IFT172: variants seen among roughly 807,000 people sequenced by gnomAD.
IFT172 encodes intraflagellar transport 172, also known as intraflagellar transport protein 172 homolog.
IFT172 carries 164 observed loss-of-function variants against 248.9 expected under a neutral mutation model. The ratio of observed to expected loss-of-function variants is 0.66; its 90% CI spans 0.58 to 0.75. The LOEUF is 0.75. IFT172 is among the 30% of genes least tolerant of loss of function. The pLI is 0.00. For synonymous variants in IFT172, 729 were observed against 791.6 expected, an observed-to-expected ratio of 0.92 and a Z score of 1.33; for missense variants, 1,950 against 2,192.4, an observed-to-expected ratio of 0.89 and a Z score of 2.21.
chr2:27,461,777 G>A lies in IFT172; in HGVS notation c.2175C>T (p.Ile725=), dbSNP rs535676099. The A allele has an allele frequency of 1.5e-5, 25 of 1,614,158 alleles. No individual in the cohort carries two copies. The highest frequency in any genetic ancestry group is 6.7e-5 in the Admixed American group (4 of 60,018). The change falls in exon 21 of 48, where the codon ATC becomes ATT. Residue 725 remains isoleucine, a synonymous_variant. Coordinates refer to ENST00000260570, the MANE Select transcript of IFT172 (RefSeq NM_015662.3). ...YQELHRWDEC[I]AVAEAKGHPA... is the part of the protein sequence containing the mutation. ...CAGGTACCTTGGCTTCAGCCACAGC[G>A]ATACACTCATCCCAACGGTGTAGCT...
chr2:27,463,162 G>A lies in IFT172; in HGVS notation c.1957C>T (p.Gln653Ter), dbSNP rs1357665651. The A allele has an allele frequency of 1.2e-6, 2 of 1,613,942 alleles. No individual in the cohort carries two copies. Among genetic ancestry groups the A allele is most frequent in the Admixed American group, 1.7e-5 (1 of 59,992 alleles). Reference protein sequence around the residue: ...IAERCFSALGQVAKARFLHET... With the variant: ...IAERCFSALG ...TGCAGGAATCGAGCTTTTGCTACTT[G>A]GCCCAAAGCAGAAAAGCACCTATGG... is the stretch of plus-strand genomic sequence containing the variant. The change falls in exon 19 of 48, where the codon CAA (glutamine) becomes TAA (stop). Residue 653 changes from glutamine to a stop codon, truncating the protein, a stop_gained. Transcript: ENST00000260570. LOFTEE classifies it high-confidence loss of function.
At position 27,456,642 on chromosome 2, in the gene IFT172, A is replaced by G. The variant is rs1363285238; in HGVS notation, c.3240T>C (p.Thr1080=). 3 of 1,613,366 alleles carry G rather than the reference A, an allele frequency of 1.9e-6. No homozygotes were observed. In the East Asian group the frequency reaches 6.7e-5, roughly 36 times the overall value. The change falls in exon 30 of 48, where the codon ACT becomes ACC. Residue 1080 remains threonine (T), a synonymous_variant. Coordinates refer to ENST00000260570, the MANE Select transcript of IFT172 (RefSeq NM_015662.3). ...LWEEAYRVAR[T]QGGANAHKHV... ...GTTTGTGGGCATTAGCCCCTCCTTG[A>G]GTTCTGGCCACCTGTAAAGCAAAGT... is the stretch of plus-strand genomic sequence containing the variant.
At chr2:27,485,636 A>T in intron 1 of IFT172, 133 bp from the exon 2 acceptor site, 1 of 1,052,932 alleles carries the variant, frequency 9.5e-7, no homozygotes, top group Non-Finnish European at 1.4e-6. Flanking sequence ...AAACAAAGAG[A>T]TGCCTGTGGC....
In IFT172 at chr2:27,458,813, T is replaced by A; in HGVS notation, c.2843A>T (p.Tyr948Phe). The A allele has an allele frequency of 6.2e-7, 1 of 1,614,198 alleles. No homozygotes were observed. Among genetic ancestry groups the A allele is most frequent in the Non-Finnish European group, 8.5e-7 (1 of 1,180,032 alleles). The part of the protein sequence containing the change: ...GDRTKDAIDM[Y>F]TQAGRWEQAH... ...TTGTTCCCAACGACCAGCCTGGGTG[T>A]ACATGTCTATGGCATCTTTTGTCCG... Residue 948 changes from tyrosine (Y) to phenylalanine (F), a missense_variant, in exon 26 of 48, where the codon TAC (tyrosine) becomes TTC (phenylalanine). By Grantham distance (22) the Tyr-to-Phe change is conservative (BLOSUM62 3). Transcript: ENST00000260570.
At chr2:27,452,868 T>C (rs1463127230) in intron 35 of IFT172, among the ~76,000 whole-genome samples, 1 of 152,234 alleles carries the variant, frequency 6.6e-6, no homozygotes, top group Non-Finnish European at 1.5e-5. Context: ...GTTTCTCCAA[T>C]ACAGTATGTC....
In IFT172 at chr2:27,445,859, C is replaced by T; in HGVS notation, c.4816-16G>A. On this transcript the variant is annotated splice_polypyrimidine_tract_variant and intron_variant, in intron 44 of 47. Transcript: ENST00000260570. The surrounding 1 kb of genome is among the most constrained non-coding windows in gnomAD (Gnocchi z 4.4). ...CCTCGATTGCCTGCAGTAGAGTGGG[C>T]AACCATGAACTAGGCACAGCTCGCG... is the stretch of plus-strand genomic sequence containing the variant. 1 of 1,614,164 alleles carries T rather than the reference C, an allele frequency of 6.2e-7. No homozygotes were observed. Among genetic ancestry groups the T allele is most frequent in the Non-Finnish European group, 8.5e-7 (1 of 1,180,020 alleles).
chr2:27,481,307 C>G (rs1286915882), intron 7 of IFT172, 47 bp from the exon 8 acceptor site: 8 of 1,432,942 alleles, frequency 5.6e-6, no homozygotes, highest in Non-Finnish European at 6.8e-6. Context: ...AGACTCCACC[C>G]GAGAAATTCC....
Position 27,447,881 on chromosome 2 carries a change from G to C in IFT172, c.4470C>G (p.Ser1490Arg), listed in dbSNP as rs943300296. ...IYKRIFTDMV[S>R]SPGTNCAEAY... ...CCTCGGCACAGTTGGTTCCAGGAGA[G>C]CTCACCATGTCAGTGAAGATCCTTT... Residue 1490 changes from serine to arginine, a missense_variant, in exon 41 of 48, where the codon AGC becomes AGG. Ser to Arg is a moderately radical substitution (Grantham distance 110). Around this residue, in one of 3 missense-constraint regions of IFT172, gnomAD observed 620 missense variants for 699.0 expected, o/e 0.89. Coordinates refer to ENST00000260570, the MANE Select transcript of IFT172 (RefSeq NM_015662.3). 6.2e-7 allele frequency: 1 copy of C among 1,613,304 alleles called. No individual in the cohort carries two copies. The highest frequency in any genetic ancestry group is 1.3e-5 in the African/African-American group (1 of 74,902).
rs911939280 is a variant in IFT172 at position 27,477,622 on chromosome 2, G to T, written c.1168-10C>A. ...ATCCTTGCCAGGCTATCTGTAACGG[G>T]AGAAGACTTAAGAAGCAATGTGGAT... On this transcript the variant is annotated splice_polypyrimidine_tract_variant and intron_variant, in intron 11 of 47. Coordinates refer to ENST00000260570, the MANE Select transcript of IFT172 (RefSeq NM_015662.3). 1 of 1,595,284 alleles carries T rather than the reference G, an allele frequency of 6.3e-7. No homozygotes were observed. The highest frequency in any genetic ancestry group is 8.6e-7 in the Non-Finnish European group (1 of 1,162,800).
Position 27,458,139 on chromosome 2 carries a change from G to A in IFT172, c.2962C>T (p.Arg988Cys), listed in dbSNP as rs780982171. The A allele has an allele frequency of 1.1e-5, 17 of 1,613,890 alleles. No individual in the cohort carries two copies. The African/African-American group carries it at 1.2e-4, about 11-fold the overall frequency. The change falls in exon 27 of 48, where the codon CGT (arginine) becomes TGT (cysteine). Residue 988 changes from arginine (R) to cysteine (C), a missense_variant. Physicochemically the swap from Arg to Cys is radical, Grantham distance 180 (BLOSUM62 -3). Around this residue, in one of 3 missense-constraint regions of IFT172, gnomAD observed 1,166 missense variants for 1,254.1 expected, o/e 0.93. Transcript: ENST00000260570. ...AQEMEKQGKY[R>C]EAERLYVTVQ... Reference sequence around the variant, plus strand: ...GCCACGGCTCACCTTTCAGCCTCACGGTACTTGCCCTGCTTCTCCATTTCC... The same window carrying A: ...GCCACGGCTCACCTTTCAGCCTCACAGTACTTGCCCTGCTTCTCCATTTCC...
intron 16 of IFT172, among the ~76,000 whole-genome samples, chr2:27,467,580 C>T (rs1022011983): frequency 4.3e-5 from 6 of 139,128 alleles, no homozygotes; most frequent in African/African-American, 1.6e-4. Flanking sequence ...CCACTGCACT[C>T]CAGCATGGCG....
Position 27,448,978 on chromosome 2 carries a change from C to A in IFT172, c.4365G>T (p.Arg1455=). The change falls in exon 40 of 48, where the codon CGG becomes CGT. Residue 1455 remains arginine, a synonymous_variant. Transcript: ENST00000260570. ...CCAATGCCTGGGCAGAGCTACCCTCCCGGATCAAGTGAGTTGCATACAAAG... is the reference window on the plus strand; with the variant it reads ...CCAATGCCTGGGCAGAGCTACCCTCACGGATCAAGTGAGTTGCATACAAAG... ...YVALYATHLI[R]EGSSAQALAL... The A allele has an allele frequency of 6.2e-7, 1 of 1,612,798 alleles. No individual in the cohort carries two copies. The highest frequency in any genetic ancestry group is 8.5e-7 in the Non-Finnish European group (1 of 1,178,806).
chr2:27,484,706 G>A (rs1668626812), intron 3 of IFT172, among the ~76,000 whole-genome samples: 1 of 152,156 alleles, frequency 6.6e-6, no homozygotes, highest in African/African-American at 2.4e-5. Context: ...TGACTACTCT[G>A]TAGGAGCCCT....
rs1028945199 is a variant in IFT172 at position 27,462,170 on chromosome 2, T to C, written c.2116-334A>G. 7.2e-5 allele frequency among the ~76,000 whole-genome samples: 11 copies of C among 152,244 alleles called. No individual in the cohort carries two copies. In the East Asian group the frequency reaches 2.1e-3, roughly 29 times the overall value. On this transcript the variant is annotated intron_variant, in intron 20 of 47. Transcript: ENST00000260570. Reference sequence around the variant, plus strand: ...ACCTCAGCCTCCCGAGTAGCTGGGATTACAGGCGTGTGCCACCACTCCTGG... The same window carrying C: ...ACCTCAGCCTCCCGAGTAGCTGGGACTACAGGCGTGTGCCACCACTCCTGG...
Position 27,444,430 on chromosome 2 carries a change from A to T in IFT172, c.*2T>A, listed in dbSNP as rs4803. 1 of 1,600,878 alleles carries T rather than the reference A, an allele frequency of 6.2e-7. No homozygotes were observed. The highest frequency in any genetic ancestry group is 8.6e-7 in the Non-Finnish European group (1 of 1,169,522). On this transcript the variant is annotated 3_prime_UTR_variant, in exon 48 of 48. Transcript: ENST00000260570. ...GCCCTAACTCTTCCTCAGCTCTACC[A>T]ACTACTGAAAGGAAAAGCTGGTGCT...
chr2:27,481,056 T>G lies in IFT172; in HGVS notation c.775A>C (p.Ser259Arg), dbSNP rs1668318188. 6.2e-7 allele frequency: 1 copy of G among 1,613,532 alleles called. No individual in the cohort carries two copies. ...GGAAAGGGGACTTACCTGTCATAAC[T>G]TCCTAGCACAACAGACTGGCCCCCA... ...SPGGQSVVLG[S>R]YDRLRVFNWI... Residue 259 changes from serine to arginine, a missense_variant, in exon 8 of 48, where the codon AGT (serine) becomes CGT (arginine). Ser to Arg is a moderately radical substitution (Grantham distance 110, BLOSUM62 -1). This residue lies in a region of IFT172 where 1,166 missense variants were observed against 1,254.1 expected (regional missense o/e 0.93). Transcript: ENST00000260570.
chr2:27,449,361 A>C lies in IFT172; in HGVS notation c.4244T>G (p.Ile1415Arg), dbSNP rs1665446592. Residue 1415 changes from isoleucine (I) to arginine (R), a missense_variant, in exon 39 of 48, where the codon ATA becomes AGA. Physicochemically the swap from Ile to Arg is moderately conservative, Grantham distance 97. Coordinates refer to ENST00000260570, the MANE Select transcript of IFT172 (RefSeq NM_015662.3). Reference sequence around the variant, plus strand: ...CTCCACATACAGGTCCAAAGCAGCTATCACATCCACACCCACCAGCTGGGT... The same window carrying C: ...CTCCACATACAGGTCCAAAGCAGCTCTCACATCCACACCCACCAGCTGGGT... ...KVDSLVGVDV[I>R]AALDLYVEQG... 1 of 1,614,042 alleles carries C rather than the reference A, an allele frequency of 6.2e-7. No individual in the cohort carries two copies. The highest frequency in any genetic ancestry group is 1.3e-5 in the African/African-American group (1 of 74,926).
chr2:27,455,864 G>T, intron 30 of IFT172: 1 of 424,130 alleles, frequency 2.4e-6, no homozygotes, highest in Non-Finnish European at 4.4e-6. Flanking sequence ...TTTTTCTAGA[G>T]ATGTAATACA....
chr2:27,478,167 G>C lies in IFT172; in HGVS notation c.1006-11C>G, dbSNP rs1192801085. 54 of 1,613,910 alleles carry C rather than the reference G, an allele frequency of 3.3e-5. No homozygotes were observed. Among genetic ancestry groups the C allele is most frequent in the Non-Finnish European group, 4.2e-5 (50 of 1,179,978 alleles). On this transcript the variant is annotated splice_polypyrimidine_tract_variant and intron_variant, in intron 10 of 47. Coordinates refer to ENST00000260570, the MANE Select transcript of IFT172 (RefSeq NM_015662.3). ...GTTCTTCACAATCACCTTGGTAAAGGACAAGTGTGAGCCCCTTAGGCTTCC... is the reference window on the plus strand; with the variant it reads ...GTTCTTCACAATCACCTTGGTAAAGCACAAGTGTGAGCCCCTTAGGCTTCC...
Sources: allele counts gnomAD v4.1 joint callset (sites outside exome capture counted in the v4.1 genomes callset), GRCh38; gene constraint gnomAD v4.1.1; regional missense constraint gnomAD v4.1.1; non-coding constraint Gnocchi (gnomAD v3.1); transcripts MANE v1.5; gene names NCBI Gene and HGNC (gene_info 2026-07-23, HGNC 2026-07-21).